Variants in GASK1A observed in about 807,000 individuals in gnomAD.
The protein encoded by GASK1A is Golgi-associated kinase 1A.
Under a neutral mutation model 41.2 loss-of-function variants are expected in GASK1A, and 40 were observed. That is an observed-to-expected ratio of 0.97 (90% CI 0.75 to 1.27). The LOEUF (loss-of-function observed/expected upper bound fraction) is 1.27. GASK1A is among the 50% of genes most tolerant of loss of function. GASK1A has a pLI of 0.00. For missense variants in GASK1A, 678 were observed against 745.1 expected, an observed-to-expected ratio of 0.91 and a Z score of 1.05; for synonymous variants, 316 against 307.1, an observed-to-expected ratio of 1.03 and a Z score of -0.30.
At chr3:43,016,361 T>C (rs2089491228) in intron 1 of GASK1A, among the ~76,000 whole-genome samples, 1 of 151,378 alleles carries the variant, frequency 6.6e-6, no homozygotes, top group African/African-American at 2.4e-5. Context: ...GCAGAGGCAG[T>C]GTGAACATGC....
At chr3:43,055,871 T>C (rs2089713532) in intron 4 of GASK1A, 2 of 472,060 alleles carry the variant, frequency 4.2e-6, no homozygotes, top group Non-Finnish European at 7.7e-6. Context: ...AGCTCTGCCT[T>C]CCCAGGATTC....
intron 1 of GASK1A, among the ~76,000 whole-genome samples, chr3:43,029,469 C>T (rs902187520): frequency 6.6e-6 from 1 of 152,044 alleles, no homozygotes; most frequent in Non-Finnish European, 1.5e-5. Flanking sequence ...TGAGTCAGTC[C>T]ACCTCCACTG....
chr3:43,055,491 C>T lies in GASK1A; in HGVS notation c.1473C>T (p.His491=). 2 of 1,552,012 alleles carry T rather than the reference C, an allele frequency of 1.3e-6. No individual in the cohort carries two copies. Among genetic ancestry groups the T allele is most frequent in the Non-Finnish European group, 1.7e-6 (2 of 1,147,060 alleles). Residue 491 remains histidine, a synonymous_variant, in exon 4 of 5, where the codon CAC becomes CAT. Coordinates refer to ENST00000430121, the MANE Select transcript of GASK1A (RefSeq NM_001129908.3). ...TCGATAACGCTGGCAACCTTCAGCA[C>T]CCTGAGGACAAGCTGAACTTTCGGC... ...VYIDNAGNLQ[H]PEDKLNFRLL...
chr3:43,028,319 T>C (rs910404503), intron 1 of GASK1A, among the ~76,000 whole-genome samples: 3 of 152,360 alleles, frequency 2.0e-5, no homozygotes, highest in South Asian at 2.1e-4. Context: ...TGGCTTCCTC[T>C]TCCCATCATG....
chr3:43,007,238 A>G (rs1198268573), intron 1 of GASK1A, among the ~76,000 whole-genome samples: 1 of 152,174 alleles, frequency 6.6e-6, no homozygotes, highest in Admixed American at 6.5e-5. Flanking sequence ...CTTTTTAGCC[A>G]TTGTGTTGGA....
intron 1 of GASK1A, among the ~76,000 whole-genome samples, chr3:43,024,313 T>C (rs1420242562): frequency 6.6e-6 from 1 of 152,178 alleles, no homozygotes; most frequent in African/African-American, 2.4e-5. Flanking sequence ...CTTTCTTTGC[T>C]CATTCCGTAC....
chr3:42,999,531 A>G (rs1468539791), intron 1 of GASK1A, among the ~76,000 whole-genome samples: 1 of 152,174 alleles, frequency 6.6e-6, no homozygotes, highest in Non-Finnish European at 1.5e-5. Flanking sequence ...ATGTACTCAG[A>G]TTCCTGAGGT....
intron 2 of GASK1A, among the ~76,000 whole-genome samples, chr3:43,035,492 T>A (rs978143238): frequency 3.3e-5 from 5 of 152,182 alleles, no homozygotes; most frequent in African/African-American, 1.2e-4. Flanking sequence ...GTATGCGTAT[T>A]CTACACACCT....
intron 1 of GASK1A, among the ~76,000 whole-genome samples, chr3:43,005,740 C>G: frequency 6.6e-6 from 1 of 152,166 alleles, no homozygotes; most frequent in East Asian, 1.9e-4. Flanking sequence ...AAGAATGAAT[C>G]TGCTATCTGT....
Position 43,015,035 on chromosome 3 carries a change from G to A in GASK1A, c.4-17232G>A, listed in dbSNP as rs2089482877. 2.0e-5 allele frequency among the ~76,000 whole-genome samples: 3 copies of A among 151,912 alleles called. No homozygotes were observed. The South Asian group carries it at 6.2e-4, about 32-fold the overall frequency. ...GGACAGTGAGAAGTCACAGAAAGGG[G>A]CTGGGTGAAGTCACAGGAAGTGGCT... On this transcript the variant is annotated intron_variant, in intron 1 of 4. Coordinates refer to ENST00000430121, the MANE Select transcript of GASK1A (RefSeq NM_001129908.3).
At chr3:43,026,125 G>A (rs1266741268) in intron 1 of GASK1A, among the ~76,000 whole-genome samples, 1 of 152,184 alleles carries the variant, frequency 6.6e-6, no homozygotes, top group African/African-American at 2.4e-5. Context: ...GCAAAAGAGG[G>A]TGTGGAAATG....
At chr3:43,029,789 A>G (rs2125685604) in intron 1 of GASK1A, among the ~76,000 whole-genome samples, 1 of 152,260 alleles carries the variant, frequency 6.6e-6, no homozygotes, top group East Asian at 1.9e-4. Flanking sequence ...GCTGTAACTG[A>G]GATTTCCCAT....
At chr3:43,019,550 G>C (rs1342993498) in intron 1 of GASK1A, among the ~76,000 whole-genome samples, 1 of 152,166 alleles carries the variant, frequency 6.6e-6, no homozygotes, top group Admixed American at 6.5e-5. Flanking sequence ...TTTCACCCCA[G>C]CCATAGTTTT....
At position 42,979,332 on chromosome 3, in the gene GASK1A, T is replaced by G; in HGVS notation, c.-311T>G. On this transcript the variant is annotated 5_prime_UTR_variant, in exon 1 of 5. Transcript: ENST00000430121. ...AGGGACTTTGCAAACTCTGCAAAAGTCCCGAGTAGACCGCAGAGGCTCGCG... is the reference window on the plus strand; with the variant it reads ...AGGGACTTTGCAAACTCTGCAAAAGGCCCGAGTAGACCGCAGAGGCTCGCG... The G allele has an allele frequency of 2.9e-6, 1 of 349,834 alleles. No individual in the cohort carries two copies. Among genetic ancestry groups the G allele is most frequent in the Non-Finnish European group, 5.1e-6 (1 of 195,282 alleles). 21.7% of individuals were successfully genotyped at this position (349,834 alleles called of 1,614,324 possible). A position where few individuals can be genotyped will look rare whatever the true frequency, so the allele number is the denominator to read the frequency against.
intron 1 of GASK1A, among the ~76,000 whole-genome samples, chr3:43,019,346 C>G (rs1246296967): frequency 6.6e-6 from 1 of 152,162 alleles, no homozygotes; most frequent in African/African-American, 2.4e-5. Context: ...AGCCCAGCCT[C>G]TCAGGACCCA....
chr3:43,017,619 A>C (rs1257199322), intron 1 of GASK1A, among the ~76,000 whole-genome samples: 2 of 149,490 alleles, frequency 1.3e-5, no homozygotes, highest in Non-Finnish European at 3.0e-5. Context: ...AGGAAGGGGC[A>C]ATGGGAAGTC....
chr3:42,980,235 G>A (rs1295456874), intron 1 of GASK1A, among the ~76,000 whole-genome samples: 4 of 152,152 alleles, frequency 2.6e-5, no homozygotes, highest in Non-Finnish European at 5.9e-5. Flanking sequence ...GGGATGTCAC[G>A]ATGAAACCAG....
chr3:43,046,776 G>A (rs2089665042), intron 2 of GASK1A, among the ~76,000 whole-genome samples: 1 of 152,184 alleles, frequency 6.6e-6, no homozygotes, highest in Non-Finnish European at 1.5e-5. Flanking sequence ...GCAGGGCCCA[G>A]GATCTTGCTG....
rs899835779 is a variant in GASK1A, at chr3:43,033,088, G to A, written c.825G>A (p.Gly275=). The part of the protein sequence containing the change: ...DVQMLRLLAQ[G]EVVDKARVPA... Reference sequence around the variant, plus strand: ...AGATGCTCCGTCTGTTGGCACAGGGGGAGGTGGTGGACAAAGCCAGGGTCC... The same window carrying A: ...AGATGCTCCGTCTGTTGGCACAGGGAGAGGTGGTGGACAAAGCCAGGGTCC... Residue 275 remains glycine, a synonymous_variant, in exon 2 of 5, where the codon GGG becomes GGA. Transcript: ENST00000430121. The A allele has an allele frequency of 6.4e-7, 1 of 1,551,752 alleles. No homozygotes were observed. Among genetic ancestry groups the A allele is most frequent in the East Asian group, 2.4e-5 (1 of 40,914 alleles).
Sources: gnomAD v4.1 joint callset for allele counts (sites outside exome capture counted in the v4.1 genomes callset) on GRCh38, gnomAD v4.1.1 for gene constraint, MANE v1.5 for transcripts, NCBI Gene and HGNC (gene_info 2026-07-23, HGNC 2026-07-21) for gene names.